BLTP2: variants seen among roughly 807,000 people sequenced by gnomAD.
BLTP2 encodes the protein bridge-like lipid transfer protein family member 2.
At chr17:28,627,193 T>C in the BLTP2 span, among the ~76,000 whole-genome samples, 1 of 152,144 alleles carries the variant, frequency 6.6e-6, no homozygotes, top group Non-Finnish European at 1.5e-5. Flanking sequence ...AAAACACTTT[T>C]GAGTTTGGGT....
At chr17:28,635,110 A>G in the BLTP2 span, 1 of 1,613,638 alleles carries the variant, frequency 6.2e-7, no homozygotes, top group Non-Finnish European at 8.5e-7. Context: ...AGGAAACTCC[A>G]CCGAGACTGA....
the BLTP2 span, among the ~76,000 whole-genome samples, chr17:28,636,773 T>G: frequency 1.9e-4 from 29 of 152,062 alleles, no homozygotes; most frequent in East Asian, 3.7e-3. Flanking sequence ...GCGTGGTGGC[T>G]CACACCTGTA....
chr17:28,619,052 G>A, the BLTP2 span: 6 of 1,140,520 alleles, frequency 5.3e-6, no homozygotes, highest in Non-Finnish European at 6.3e-6. Flanking sequence ...CTAGAATGAT[G>A]CAGGAGGTAA....
chr17:28,644,714 C>A, the BLTP2 span, among the ~76,000 whole-genome samples: 1 of 152,312 alleles, frequency 6.6e-6, no homozygotes, highest in Admixed American at 6.5e-5. Context: ...TGAACCAGGC[C>A]CCTTCCTCAC....
chr17:28,633,496 C>G, the BLTP2 span: 1 of 1,595,026 alleles, frequency 6.3e-7, no homozygotes, highest in Non-Finnish European at 8.6e-7. Context: ...ATGTGCTATA[C>G]AGACCTCAAC....
the BLTP2 span, chr17:28,643,701 A>G: frequency 6.4e-7 from 1 of 1,572,356 alleles, no homozygotes; most frequent in Admixed American, 1.7e-5. Flanking sequence ...TAGCTGCTAA[A>G]TAAGCCACGA....
At chr17:28,616,504 G>C in the BLTP2 span, 3 of 1,614,032 alleles carry the variant, frequency 1.9e-6, no homozygotes, top group African/African-American at 1.3e-5. This position sits in a 1 kb window ranked among gnomAD's most constrained non-coding sequence, Gnocchi z 4.8. Flanking sequence ...TTCACCACTG[G>C]TATTCCTATG....
chr17:28,633,965 C>T, the BLTP2 span: 1 of 1,613,994 alleles, frequency 6.2e-7, no homozygotes, highest in Admixed American at 1.7e-5. Flanking sequence ...ACGGAAGCCC[C>T]AAGTGCAAGA....
chr17:28,635,036 G>A, the BLTP2 span: 8 of 1,613,488 alleles, frequency 5.0e-6, no homozygotes, highest in East Asian at 1.8e-4. Flanking sequence ...CCTTGATGTA[G>A]TCCCTTCAGC....
At chr17:28,624,531 G>C in the BLTP2 span, 1 of 631,992 alleles carries the variant, frequency 1.6e-6, no homozygotes, top group Non-Finnish European at 2.6e-6. Context: ...TAAAACTCTA[G>C]CCCAGCCCAT....
the BLTP2 span, chr17:28,620,147 A>G: frequency 3.4e-5 from 27 of 795,944 alleles, no homozygotes; most frequent in Non-Finnish European, 5.3e-5. Flanking sequence ...CACTGGTAAT[A>G]GCAACAGTAG....
the BLTP2 span, chr17:28,617,376 G>C: frequency 3.0e-6 from 4 of 1,316,320 alleles, no homozygotes; most frequent in Non-Finnish European, 4.4e-6. Context: ...AAGTCTACTA[G>C]ACAATTGTTA....
At chr17:28,621,185 G>A in the BLTP2 span, 1,624 of 1,610,950 alleles carry the variant, frequency 1.0e-3, 2 homozygotes, top group Non-Finnish European at 1.0e-3. Flanking sequence ...GAAGAGGTGG[G>A]AAAGAGATAA....
the BLTP2 span, chr17:28,633,299 C>T: frequency 6.2e-7 from 1 of 1,613,666 alleles, no homozygotes; most frequent in Non-Finnish European, 8.5e-7. Flanking sequence ...GCTGTTCTCA[C>T]GTTGATATCC....
the BLTP2 span, chr17:28,633,002 C>A: frequency 6.3e-7 from 1 of 1,578,678 alleles, no homozygotes; most frequent in Non-Finnish European, 8.6e-7. Context: ...GAGCGAAAGG[C>A]CCGGTAGGAG....
the BLTP2 span, among the ~76,000 whole-genome samples, chr17:28,617,823 A>T: frequency 1.3e-5 from 2 of 151,188 alleles, no homozygotes; most frequent in African/African-American, 4.9e-5. Flanking sequence ...GCAGTGACAC[A>T]ATCTTGGCTC....
At chr17:28,620,065 T>C in the BLTP2 span, 3 of 1,530,232 alleles carry the variant, frequency 2.0e-6, no homozygotes, top group Admixed American at 5.6e-5. Flanking sequence ...AGACAAGTCT[T>C]GTAGTAAAGT....
chr17:28,628,306 G>A, the BLTP2 span: 44 of 1,614,100 alleles, frequency 2.7e-5, no homozygotes, highest in Non-Finnish European at 3.6e-5. Flanking sequence ...GAAGCTGGGA[G>A]TGTTAACACG....
At chr17:28,638,788 G>T in the BLTP2 span, 1 of 601,208 alleles carries the variant, frequency 1.7e-6, no homozygotes, top group Non-Finnish European at 3.0e-6. Flanking sequence ...AAGATAAAAG[G>T]CTGAACTCAT....
Sources: gnomAD v4.1 joint callset for allele counts (sites outside exome capture counted in the v4.1 genomes callset) on GRCh38, gnomAD v4.1.1 for gene constraint, Gnocchi (gnomAD v3.1) non-coding constraint, MANE v1.5 for transcripts, NCBI Gene and HGNC (gene_info 2026-07-23, HGNC 2026-07-21) for gene names.